SF3B1: variants seen among roughly 807,000 people sequenced by gnomAD.
SF3B1 encodes pre-mRNA processing 10.
A neutral mutation model predicts 153.8 loss-of-function variants in SF3B1; 12 were observed. The ratio of observed to expected loss-of-function variants is 0.08; its 90% CI spans 0.05 to 0.13. The LOEUF (loss-of-function observed/expected upper bound fraction) is 0.13, where lower values mean the gene tolerates loss of function less well. Among genes scored for constraint, SF3B1 ranks in the 10% least tolerant of loss-of-function variants. The pLI is 1.00. For synonymous variants in SF3B1, 498 were observed against 525.2 expected, an observed-to-expected ratio of 0.95 and a Z score of 0.71; for missense variants, 513 against 1,606.1, an observed-to-expected ratio of 0.32 and a Z score of 11.63.
At position 197,389,797 on chromosome 2, in the gene SF3B1, C is replaced by T. The variant is rs954210955; in HGVS notation, c.*2506G>A. ...GTCTACTAAGACTTTAGATATAATA[C>T]GTTTTATTCATCTAGTGGTACTTGG... On this transcript the variant is annotated 3_prime_UTR_variant, in exon 25 of 25. Coordinates refer to ENST00000335508, the MANE Select transcript of SF3B1 (RefSeq NM_012433.4). 5.3e-5 allele frequency: 8 copies of T among 152,030 alleles called. No homozygotes were observed. The highest frequency in any genetic ancestry group is 2.0e-4 in the Admixed American group (3 of 15,264). The allele number at this position is 152,030 out of a possible 1,614,324, so 9.4% of individuals were successfully genotyped here. A position where few individuals can be genotyped will look rare whatever the true frequency, so the allele number is the denominator to read the frequency against.
At chr2:197,399,963 C>T (rs763179027) in intron 20 of SF3B1, 92 bp downstream of exon 20, 16 of 864,456 alleles carry the variant, frequency 1.9e-5, no homozygotes, top group Admixed American at 2.6e-5. Flanking sequence ...ACAAAAACCT[C>T]CCAACTCCTA....
Position 197,404,018 on chromosome 2 carries a change from T to C in SF3B1, c.1540-254A>G, listed in dbSNP as rs1331372294. On this transcript the variant is annotated intron_variant, in intron 11 of 24. Transcript: ENST00000335508. ...AGAGGTATGTACTAAATGCCTTCAT[T>C]TCCCTGAAGTATCTTCCATTTCCAA... Among the ~76,000 whole-genome samples the C allele has an allele frequency of 3.3e-5, 5 of 152,316 alleles. No individual in the cohort carries two copies. In the South Asian group the frequency reaches 1.0e-3, roughly 32 times the overall value.
intron 4 of SF3B1, chr2:197,419,166 T>C (rs994732463): frequency 8.2e-6 from 4 of 489,864 alleles, no homozygotes; most frequent in Non-Finnish European, 1.5e-5. Context: ...AAGGGCTTCA[T>C]GCTTTAAGTT....
At chr2:197,392,876 T>C in intron 24 of SF3B1, 96 bp downstream of exon 24, 1 of 722,310 alleles carries the variant, frequency 1.4e-6, no homozygotes, top group East Asian at 2.7e-5. Flanking sequence ...TATATACCTA[T>C]GTAACAAACC....
At position 197,416,184 on chromosome 2, in the gene SF3B1, T is replaced by C. The variant is rs76943760; in HGVS notation, c.666+557A>G. On this transcript the variant is annotated intron_variant, in intron 6 of 24. Transcript: ENST00000335508. ...GACTGGCCAAGAGAAAGGAGTAGCA[T>C]TGACTATTTGCTGCCAGTAGTGAGG... Among the ~76,000 whole-genome samples, 669 of 151,246 alleles carry C rather than the reference T, an allele frequency of 4.4e-3. 3 individuals carry two copies. Among genetic ancestry groups the C allele is most frequent in the African/African-American group, 0.016 (640 of 41,252 alleles).
In SF3B1 at chr2:197,416,763, A is replaced by T; in HGVS notation, c.644T>A (p.Leu215Gln). Residue 215 changes from leucine (L) to glutamine (Q), a missense_variant, in exon 6 of 25, where the codon CTA becomes CAA. Physicochemically the swap from Leu to Gln is moderately radical, Grantham distance 113. This residue lies in a region of SF3B1 where 17 missense variants were observed against 16.3 expected (regional missense o/e 1.05). Transcript: ENST00000335508. ...TACCTCTGCCTGATCCCAACTTGAT[A>T]GTTTTTTGGGAGTGGCACCAGGAGT... is the stretch of plus-strand genomic sequence containing the variant. ...DQTPGATPKK[L>Q]SSWDQAETPG... The T allele has an allele frequency of 6.2e-7, 1 of 1,611,144 alleles. No individual in the cohort carries two copies. Among genetic ancestry groups the T allele is most frequent in the African/African-American group, 1.3e-5 (1 of 74,822 alleles).
Position 197,401,270 on chromosome 2 carries a change from C to A in SF3B1, c.2496+130G>T. ...TTAACTGGCTGACTAAAATCCATCT[C>A]CTTTCATAATCAAGCACATATAAAC... On this transcript the variant is annotated intron_variant, in intron 17 of 24. Transcript: ENST00000335508. The surrounding 1 kb of genome is among the most constrained non-coding windows in gnomAD (Gnocchi z 4.2). The A allele has an allele frequency of 1.2e-6, 1 of 845,582 alleles. No individual in the cohort carries two copies. Among genetic ancestry groups the A allele is most frequent in the Non-Finnish European group, 1.9e-6 (1 of 537,566 alleles). 52.4% of individuals were successfully genotyped at this position (845,582 alleles called of 1,614,324 possible).
At chr2:197,394,407 A>G (rs1462881064) in intron 23 of SF3B1, among the ~76,000 whole-genome samples, 2 of 152,242 alleles carry the variant, frequency 1.3e-5, no homozygotes, top group Admixed American at 6.5e-5. Flanking sequence ...TTCCCTTCTC[A>G]CGTAAAGTTT....
chr2:197,407,583 C>A (rs1421755971), intron 9 of SF3B1, among the ~76,000 whole-genome samples: 1 of 143,818 alleles, frequency 7.0e-6, no homozygotes, highest in Non-Finnish European at 1.5e-5. Context: ...TCAGCCTGGG[C>A]AACAGAGTGA....
At chr2:197,417,205 C>A (rs2085160729) in intron 5 of SF3B1, among the ~76,000 whole-genome samples, 1 of 152,044 alleles carries the variant, frequency 6.6e-6, no homozygotes, top group African/African-American at 2.4e-5. Flanking sequence ...AACCATAATG[C>A]TTCCACTGAA....
chr2:197,425,005 CAA>C, intron 1 of SF3B1, among the ~76,000 whole-genome samples: 1 of 152,186 alleles, frequency 6.6e-6, no homozygotes, highest in Admixed American at 6.5e-5. Flanking sequence ...AGTAAAAATA[CAA>C]AGTTAGCCAG....
At chr2:197,405,247 A>G in intron 10 of SF3B1, 28 bp downstream of exon 10, 1 of 1,597,484 alleles carries the variant, frequency 6.3e-7, no homozygotes, top group South Asian at 1.1e-5. Context: ...AACACAATTA[A>G]TAGTTTATTT....
chr2:197,426,092 T>G (rs2085332397), intron 1 of SF3B1, among the ~76,000 whole-genome samples: 1 of 151,832 alleles, frequency 6.6e-6, no homozygotes, highest in Admixed American at 6.6e-5. Flanking sequence ...ATTATTATAG[T>G]GTGTTGTGTT....
intron 9 of SF3B1, among the ~76,000 whole-genome samples, chr2:197,405,974 TA>T (rs2084986826): frequency 6.6e-6 from 1 of 151,788 alleles, no homozygotes; most frequent in Non-Finnish European, 1.5e-5. Context: ...GCATAAAAAC[TA>T]AAACCAAAAT....
chr2:197,396,479 T>C (rs2084875526), intron 22 of SF3B1, 151 bp from the exon 23 acceptor site: 2 of 640,206 alleles, frequency 3.1e-6, no homozygotes, highest in Non-Finnish European at 5.1e-6. Flanking sequence ...GTCACTGGCA[T>C]TGTTGTTTCT....
In SF3B1 at chr2:197,435,008, C is replaced by G. The variant is rs889315828; in HGVS notation, c.-9G>C. ...TTGGCGATCTTCGCCATTTTGTCCA[C>G]TCGAACACACAGACGGAACTGGCGC... is the stretch of plus-strand genomic sequence containing the variant. On this transcript the variant is annotated 5_prime_UTR_variant, in exon 1 of 25. Transcript: ENST00000335508. 8 of 1,614,170 alleles carry G rather than the reference C, an allele frequency of 5.0e-6. No individual in the cohort carries two copies. The highest frequency in any genetic ancestry group is 3.3e-5 in the Admixed American group (2 of 60,016).
chr2:197,429,521 C>G (rs1055424584), intron 1 of SF3B1, among the ~76,000 whole-genome samples: 1 of 152,154 alleles, frequency 6.6e-6, no homozygotes, highest in African/African-American at 2.4e-5. Flanking sequence ...CGGTGGCTCA[C>G]GCCTGTAATC....
At chr2:197,423,032 AAGGC>A in intron 2 of SF3B1, among the ~76,000 whole-genome samples, 1 of 152,342 alleles carries the variant, frequency 6.6e-6, no homozygotes. Flanking sequence ...TTCAAAATGA[AAGGC>A]AGTCCTCCTC....
Position 197,401,353 on chromosome 2 carries a change from T to G in SF3B1, c.2496+47A>C. 4 of 1,534,330 alleles carry G rather than the reference T, an allele frequency of 2.6e-6. No homozygotes were observed. The highest frequency in any genetic ancestry group is 1.2e-5 in the South Asian group (1 of 82,732). ...ACATGCATTCAAGTTGACTAAAGAA[T>G]GAGTTGAAAGGACTTTTGAGAATAT... is the stretch of plus-strand genomic sequence containing the variant. On this transcript the variant is annotated intron_variant, in intron 17 of 24. Transcript: ENST00000335508. The surrounding 1 kb of genome is among the most constrained non-coding windows in gnomAD (Gnocchi z 4.2).
Sources: allele counts gnomAD v4.1 joint callset (sites outside exome capture counted in the v4.1 genomes callset), GRCh38; gene constraint gnomAD v4.1.1; regional missense constraint gnomAD v4.1.1; non-coding constraint Gnocchi (gnomAD v3.1); transcripts MANE v1.5; gene names NCBI Gene and HGNC (gene_info 2026-07-23, HGNC 2026-07-21).